The following VAC14 variants were observed in gnomAD, a reference collection of about 807,000 sequenced individuals.
VAC14 encodes the protein VAC14 component of PIKFYVE complex.
Under a neutral mutation model 85.3 loss-of-function variants are expected in VAC14, and 47 were observed. That is an observed-to-expected ratio of 0.55 (90% CI 0.44 to 0.70). VAC14 has a LOEUF of 0.70. VAC14 is among the 30% of genes least tolerant of loss of function. VAC14 has a pLI of 0.00. For missense variants in VAC14, 861 were observed against 1,004.3 expected, an observed-to-expected ratio of 0.86 and a Z score of 1.93; for synonymous variants, 447 against 430.5, an observed-to-expected ratio of 1.04 and a Z score of -0.47.
intron 14 of VAC14, among the ~76,000 whole-genome samples, chr16:70,710,605 T>TCC (rs1298139223): frequency 6.6e-6 from 1 of 152,236 alleles, no homozygotes; most frequent in Admixed American, 6.5e-5. Context: ...CCCAAACTAG[T>TCC]CCCTTTGTTC....
At position 70,692,925 on chromosome 16, in the gene VAC14, G is replaced by A. The variant is rs760992610; in HGVS notation, c.2082C>T (p.Ile694=). 8.1e-6 allele frequency: 13 copies of A among 1,611,180 alleles called. No homozygotes were observed. The South Asian group carries it at 1.4e-4, about 18-fold the overall frequency. The change falls in exon 18 of 19, where the codon ATC becomes ATT. Residue 694 remains isoleucine, a synonymous_variant. Transcript: ENST00000261776. The stretch of plus-strand genomic sequence containing the variant: ...GCATGAGCAGGCCGTAGAGGGCCTT[G>A]ATCAGGTAGGGGTTGTTCTTCACGT... ...LLDVKNNPYL[I]KALYGLLMLL...
intron 14 of VAC14, among the ~76,000 whole-genome samples, chr16:70,724,507 C>G (rs1390423279): frequency 2.0e-5 from 3 of 152,238 alleles, no homozygotes; most frequent in Admixed American, 2.0e-4. Context: ...GAAGGCAGCA[C>G]TCTTTTTCTC....
At chr16:70,778,219 C>T (rs1012970031) in intron 9 of VAC14, among the ~76,000 whole-genome samples, 4 of 152,194 alleles carry the variant, frequency 2.6e-5, no homozygotes, top group Non-Finnish European at 5.9e-5. Flanking sequence ...GCTGCACTGG[C>T]CGGGAATCAA....
At chr16:70,733,226 G>C (rs55681554) in intron 13 of VAC14, among the ~76,000 whole-genome samples, 2 of 152,106 alleles carry the variant, frequency 1.3e-5, no homozygotes, top group African/African-American at 4.8e-5. Flanking sequence ...CCTATAAATA[G>C]AACTAAGCAG....
chr16:70,691,818 G>A (rs749263199), intron 18 of VAC14: 41 of 985,290 alleles, frequency 4.2e-5, no homozygotes, highest in East Asian at 1.1e-4. Context: ...AGTGGGAGCC[G>A]ATGCCAGCGG....
chr16:70,784,270 C>T (rs557657486), intron 4 of VAC14, 50 bp from the exon 5 acceptor site: 19 of 1,495,146 alleles, frequency 1.3e-5, no homozygotes, highest in Non-Finnish European at 1.4e-5. Context: ...CCAGGGCTGC[C>T]TGACCTCGCT....
intron 18 of VAC14, chr16:70,690,591 C>G: frequency 1.0e-6 from 1 of 985,530 alleles, no homozygotes; most frequent in South Asian, 4.7e-5. Flanking sequence ...CTTGATGGCA[C>G]TTGGAGCACA....
chr16:70,740,966 G>A (rs1041289381), intron 13 of VAC14, among the ~76,000 whole-genome samples: 4 of 152,252 alleles, frequency 2.6e-5, no homozygotes, highest in Non-Finnish European at 5.9e-5. Context: ...GGCATGTGAT[G>A]GACTCGCTTC....
At chr16:70,798,427 T>C (rs1047037744) in intron 1 of VAC14, among the ~76,000 whole-genome samples, 3 of 152,200 alleles carry the variant, frequency 2.0e-5, no homozygotes, top group African/African-American at 4.8e-5. Flanking sequence ...ATGAAGAATA[T>C]ATTAAAACAT....
intron 18 of VAC14, chr16:70,689,504 G>C: frequency 1.0e-6 from 1 of 985,550 alleles, no homozygotes. Flanking sequence ...CAGGACCAGG[G>C]CAGGGGGACT....
At chr16:70,704,570 C>T (rs902371296) in intron 14 of VAC14, among the ~76,000 whole-genome samples, 1 of 152,194 alleles carries the variant, frequency 6.6e-6, no homozygotes, top group Non-Finnish European at 1.5e-5. Context: ...CTGGCTGTGG[C>T]CAGTGGCCTC....
chr16:70,760,217 A>G (rs1300908411), intron 12 of VAC14, among the ~76,000 whole-genome samples: 1 of 152,170 alleles, frequency 6.6e-6, no homozygotes, highest in Non-Finnish European at 1.5e-5. Context: ...TAACCTAACA[A>G]GCTTTCATAG....
chr16:70,780,726 C>T, intron 9 of VAC14, 64 bp downstream of exon 9: 1 of 1,517,484 alleles, frequency 6.6e-7, no homozygotes. Context: ...CAAGGCAACT[C>T]CTATGACATC....
intron 14 of VAC14, among the ~76,000 whole-genome samples, chr16:70,700,565 G>C (rs1376584099): frequency 2.6e-5 from 4 of 152,212 alleles, no homozygotes; most frequent in African/African-American, 9.6e-5. Context: ...GCCATGTAAG[G>C]CTAGTGTGTG....
chr16:70,731,703 A>G, intron 13 of VAC14, 76 bp from the exon 14 acceptor site: 1 of 1,470,164 alleles, frequency 6.8e-7, no homozygotes, highest in Non-Finnish European at 9.1e-7. Context: ...ACAGAATATA[A>G]ACAACTATAA....
chr16:70,694,283 A>G (rs1276131406), intron 17 of VAC14, among the ~76,000 whole-genome samples: 1 of 152,242 alleles, frequency 6.6e-6, no homozygotes, highest in Non-Finnish European at 1.5e-5. Context: ...GAGTCAGGAC[A>G]GACCAGCAGC....
chr16:70,696,456 T>A (rs1210251903), intron 16 of VAC14, among the ~76,000 whole-genome samples: 1 of 152,188 alleles, frequency 6.6e-6, no homozygotes, highest in Non-Finnish European at 1.5e-5. Context: ...GAGGTTGCAA[T>A]GGGCCAAGAT....
chr16:70,786,464 A>C, intron 1 of VAC14, 99 bp from the exon 2 acceptor site: 1 of 1,502,896 alleles, frequency 6.7e-7, no homozygotes, highest in Non-Finnish European at 9.0e-7. Context: ...ACCTGTTTGG[A>C]AAGAGGAAAT....
At chr16:70,738,258 G>A (rs2029900301) in intron 13 of VAC14, among the ~76,000 whole-genome samples, 1 of 152,176 alleles carries the variant, frequency 6.6e-6, no homozygotes, top group South Asian at 2.1e-4. Flanking sequence ...TGGAGGGGGT[G>A]CACAGCTACG....
Sources: gnomAD v4.1 joint callset for allele counts (sites outside exome capture counted in the v4.1 genomes callset) on GRCh38, gnomAD v4.1.1 for gene constraint, MANE v1.5 for transcripts, NCBI Gene and HGNC (gene_info 2026-07-23, HGNC 2026-07-21) for gene names.